UNC13C: variants seen among roughly 807,000 people sequenced by gnomAD.
The protein encoded by UNC13C is unc-13 homolog C, also known as protein unc-13 homolog C.
Under a neutral mutation model 245.4 loss-of-function variants are expected in UNC13C, and 174 were observed. That is an observed-to-expected ratio of 0.71 (90% CI 0.63 to 0.80). The LOEUF is 0.80. UNC13C is among the 30% of genes least tolerant of loss of function. The probability of loss-of-function intolerance (pLI) is 0.00; values close to 1 mark genes in which losing one functional copy is unlikely to be tolerated. For missense variants in UNC13C, 2,829 were observed against 2,602.9 expected, an observed-to-expected ratio of 1.09 and a Z score of -1.89; for synonymous variants, 992 against 895.1, an observed-to-expected ratio of 1.11 and a Z score of -1.93.
At chr15:54,112,534 T>C (rs543078636) in intron 2 of UNC13C, among the ~76,000 whole-genome samples, 1 of 152,308 alleles carries the variant, frequency 6.6e-6, no homozygotes, top group Non-Finnish European at 1.5e-5. Flanking sequence ...TACACATGGT[T>C]GATAAAAGGA....
chr15:54,061,981 C>G (rs1416666006), intron 2 of UNC13C, among the ~76,000 whole-genome samples: 2 of 152,066 alleles, frequency 1.3e-5, no homozygotes, highest in Non-Finnish European at 2.9e-5. Flanking sequence ...TTCATTCATG[C>G]CAAGATGGGG....
chr15:54,511,733 C>G lies in UNC13C; in HGVS notation c.5380-20C>G. On this transcript the variant is annotated intron_variant, in intron 23 of 32. Coordinates refer to ENST00000260323, the MANE Select transcript of UNC13C (RefSeq NM_001080534.3). ...ATATAAAAAGATTGCTCATAATAGT[C>G]TTTTTTTCTATATTTAAAGCCCTGT... 6.4e-7 allele frequency: 1 copy of G among 1,554,608 alleles called. No individual in the cohort carries two copies. Among genetic ancestry groups the G allele is most frequent in the Non-Finnish European group, 8.7e-7 (1 of 1,143,090 alleles).
At chr15:54,394,284 A>ACAAT (rs1567236103) in intron 18 of UNC13C, among the ~76,000 whole-genome samples, 1 of 151,800 alleles carries the variant, frequency 6.6e-6, no homozygotes, top group Non-Finnish European at 1.5e-5. Context: ...TTTTTGGTAT[A>ACAAT]CAATCATGAT....
At chr15:54,456,600 T>G (rs1438935633) in intron 19 of UNC13C, among the ~76,000 whole-genome samples, 1 of 146,354 alleles carries the variant, frequency 6.8e-6, no homozygotes, top group African/African-American at 2.5e-5. Context: ...TTTTATTTAT[T>G]TATTTATTTA....
At chr15:54,140,271 A>G (rs1193451372) in intron 2 of UNC13C, among the ~76,000 whole-genome samples, 1 of 152,230 alleles carries the variant, frequency 6.6e-6, no homozygotes, top group African/African-American at 2.4e-5. Flanking sequence ...GAAAAATGAA[A>G]TAATATTTTC....
intron 17 of UNC13C, among the ~76,000 whole-genome samples, chr15:54,385,122 C>T (rs567331815): frequency 1.3e-5 from 2 of 152,062 alleles, no homozygotes; most frequent in South Asian, 2.1e-4. Flanking sequence ...ATAGCAATCC[C>T]GCTACTGGGA....
At chr15:54,433,003 G>T (rs1169386803) in intron 19 of UNC13C, among the ~76,000 whole-genome samples, 1 of 151,922 alleles carries the variant, frequency 6.6e-6, no homozygotes, top group Non-Finnish European at 1.5e-5. Context: ...AGAAGAAATG[G>T]ATAAATTCAT....
At chr15:53,970,751 G>A in the UNC13C span, among the ~76,000 whole-genome samples, 10,882 of 152,094 alleles carry the variant, frequency 0.072, 812 homozygotes, top group African/African-American at 0.19. Context: ...TACGTGTTGC[G>A]TTGATCTGTG....
intron 19 of UNC13C, among the ~76,000 whole-genome samples, chr15:54,440,583 A>G (rs189828324): frequency 8.8e-4 from 134 of 152,022 alleles, no homozygotes; most frequent in African/African-American, 3.1e-3. Context: ...TTGGTTCCAT[A>G]TCTTTTCTAT....
At chr15:53,989,602 A>G (rs1239312737) in intron 1 of UNC13C, among the ~76,000 whole-genome samples, 2 of 152,040 alleles carry the variant, frequency 1.3e-5, no homozygotes, top group East Asian at 1.9e-4. Context: ...ATTCTCAGAT[A>G]TACAAATAGC....
the UNC13C span, among the ~76,000 whole-genome samples, chr15:53,877,225 C>A: frequency 6.6e-6 from 1 of 152,130 alleles, no homozygotes; most frequent in African/African-American, 2.4e-5. Context: ...CTGAATTATG[C>A]AAAAGCACAT....
intron 19 of UNC13C, among the ~76,000 whole-genome samples, chr15:54,467,662 C>T (rs1892252130): frequency 6.6e-6 from 1 of 151,586 alleles, no homozygotes; most frequent in African/African-American, 2.4e-5. Context: ...CTCTGATAAC[C>T]ACAATTCTAT....
At chr15:54,317,023 A>C (rs1035628616) in intron 13 of UNC13C, among the ~76,000 whole-genome samples, 1 of 151,962 alleles carries the variant, frequency 6.6e-6, no homozygotes, top group Non-Finnish European at 1.5e-5. Context: ...TAAGTACATA[A>C]CCAGTGAAGA....
intron 14 of UNC13C, among the ~76,000 whole-genome samples, chr15:54,329,081 GTTTTTT>G (rs36002521): frequency 8.2e-6 from 1 of 121,626 alleles, no homozygotes; most frequent in Non-Finnish European, 1.7e-5. Context: ...ATTAAACCAA[GTTTTTT>G]TTTTTTTTTT....
In UNC13C at chr15:54,134,621, G is replaced by A. The variant is rs147751857; in HGVS notation, c.2984-8397G>A. ...TGCAAGCTCCGCCCCCAGGGTTCAC[G>A]CCATTCTCCTGCCTTAGCCTCCCGA... On this transcript the variant is annotated intron_variant, in intron 2 of 32. Coordinates refer to ENST00000260323, the MANE Select transcript of UNC13C (RefSeq NM_001080534.3). Among the ~76,000 whole-genome samples, 1,495 of 152,124 alleles carry A rather than the reference G, an allele frequency of 9.8e-3. 54 individuals are homozygous for A. The highest frequency in any genetic ancestry group is 0.086 in the East Asian group (445 of 5,168).
the UNC13C span, among the ~76,000 whole-genome samples, chr15:53,931,232 G>A: frequency 3.3e-5 from 5 of 151,922 alleles, no homozygotes; most frequent in Non-Finnish European, 5.9e-5. Flanking sequence ...GCAGTGGCAC[G>A]ATCTTGGTTC....
intron 2 of UNC13C, among the ~76,000 whole-genome samples, chr15:54,133,992 T>C (rs1483668801): frequency 2.6e-5 from 4 of 152,086 alleles, no homozygotes; most frequent in African/African-American, 9.7e-5. Flanking sequence ...TTCATATACA[T>C]TGTGAAATGA....
intron 28 of UNC13C, among the ~76,000 whole-genome samples, chr15:54,550,586 T>A (rs1195650875): frequency 6.6e-6 from 1 of 152,168 alleles, no homozygotes; most frequent in African/African-American, 2.4e-5. Context: ...AATATGTGCC[T>A]TATAATTTCA....
At chr15:53,890,153 T>G in the UNC13C span, among the ~76,000 whole-genome samples, 1 of 151,340 alleles carries the variant, frequency 6.6e-6, no homozygotes, top group Non-Finnish European at 1.5e-5. Context: ...TTTTTTTTTT[T>G]CTTTTTGAGA....
Sources: allele counts gnomAD v4.1 joint callset (sites outside exome capture counted in the v4.1 genomes callset), GRCh38; gene constraint gnomAD v4.1.1; transcripts MANE v1.5; gene names NCBI Gene and HGNC (gene_info 2026-07-23, HGNC 2026-07-21).